Variants in VOPP1 observed in about 807,000 individuals in gnomAD.
VOPP1 encodes WW domain binding protein VOPP1.
A neutral mutation model predicts 23.5 loss-of-function variants in VOPP1; 8 were observed. That is an observed-to-expected ratio of 0.34 (90% CI 0.20 to 0.61). The LOEUF (loss-of-function observed/expected upper bound fraction) is 0.61. Ranked by LOEUF, VOPP1 falls within the 20% of genes least tolerant of loss-of-function variation. The pLI is 0.78. For synonymous variants in VOPP1, 83 were observed against 97.3 expected (o/e 0.85, Z 0.86); for missense variants, 174 against 238.1 (o/e 0.73, Z 1.77).
Position 55,497,776 on chromosome 7 carries a change from A to C in VOPP1, c.114-86T>G, listed in dbSNP as rs1291687625. 5.1e-6 allele frequency: 6 copies of C among 1,172,118 alleles called. No homozygotes were observed. In the African/African-American group the frequency reaches 9.1e-5, roughly 18 times the overall value. 72.6% of individuals were successfully genotyped at this position (1,172,118 alleles called of 1,614,324 possible). Reference sequence around the variant, plus strand: ...GCGGCCCAGGCTGGGCTTCAATGTAATCATTCTTGAAGGAAGAAATCAGTA... The same window carrying C: ...GCGGCCCAGGCTGGGCTTCAATGTACTCATTCTTGAAGGAAGAAATCAGTA... On this transcript the variant is annotated intron_variant, in intron 2 of 4. Transcript: ENST00000285279.
At chr7:55,453,169 G>A (rs1048187079) in intron 4 of VOPP1, among the ~76,000 whole-genome samples, 2 of 152,232 alleles carry the variant, frequency 1.3e-5, no homozygotes, top group African/African-American at 4.8e-5. Flanking sequence ...CTATGGAGAT[G>A]ACTTCTTTTC....
chr7:55,480,530 T>C (rs1176821816), intron 4 of VOPP1, among the ~76,000 whole-genome samples: 1 of 152,254 alleles, frequency 6.6e-6, no homozygotes, highest in Non-Finnish European at 1.5e-5. Flanking sequence ...AGATTTATAA[T>C]TATATTTTTC....
At chr7:55,526,876 A>C (rs1281005422) in intron 1 of VOPP1, 3 of 152,224 alleles carry the variant, frequency 2.0e-5, no homozygotes, top group Admixed American at 6.5e-5. Flanking sequence ...CATCTTTTTC[A>C]AAAGGGAGGG....
At chr7:55,535,535 T>C (rs1390203328) in intron 1 of VOPP1, among the ~76,000 whole-genome samples, 2 of 152,162 alleles carry the variant, frequency 1.3e-5, no homozygotes, top group Non-Finnish European at 2.9e-5. Context: ...CCCGCAGCCA[T>C]TTCCATCCAT....
chr7:55,444,410 G>T (rs1414140993), intron 4 of VOPP1, among the ~76,000 whole-genome samples: 1 of 152,236 alleles, frequency 6.6e-6, no homozygotes, highest in Non-Finnish European at 1.5e-5. Flanking sequence ...TCACATGGCT[G>T]CTTGAGTCCC....
downstream of VOPP1, among the ~76,000 whole-genome samples, chr7:55,435,418 A>AC (rs1389376677): frequency 1.3e-5 from 2 of 151,724 alleles, no homozygotes; most frequent in East Asian, 3.9e-4. Context: ...ATTTAGGAAG[A>AC]CCCCTCCTGT....
intron 1 of VOPP1, among the ~76,000 whole-genome samples, chr7:55,566,921 G>C (rs916911909): frequency 1.3e-5 from 2 of 152,140 alleles, no homozygotes; most frequent in African/African-American, 4.8e-5. Context: ...GAAGACTGAG[G>C]GCCTGTCATT....
At chr7:55,460,092 A>G (rs1378584040) in intron 4 of VOPP1, among the ~76,000 whole-genome samples, 8 of 102,308 alleles carry the variant, frequency 7.8e-5, no homozygotes, top group African/African-American at 2.3e-4. Context: ...ATTTAAAAAC[A>G]TATTTTTAAA....
intron 1 of VOPP1, among the ~76,000 whole-genome samples, chr7:55,548,631 C>T (rs1307579020): frequency 6.6e-6 from 1 of 152,230 alleles, no homozygotes; most frequent in African/African-American, 2.4e-5. Flanking sequence ...TGGGTGAACA[C>T]GCCTGCTACT....
chr7:55,511,823 A>G (rs1795090506), intron 2 of VOPP1, among the ~76,000 whole-genome samples: 1 of 152,220 alleles, frequency 6.6e-6, no homozygotes, highest in African/African-American at 2.4e-5. Context: ...AAAACCAAGC[A>G]GTGCCCCAAC....
chr7:55,465,814 T>A (rs1235062512), downstream of VOPP1, among the ~76,000 whole-genome samples: 1 of 152,232 alleles, frequency 6.6e-6, no homozygotes, highest in Non-Finnish European at 1.5e-5. Flanking sequence ...AGTCTTTCCA[T>A]GACACCAGCA....
chr7:55,485,872 A>C (rs950118288), intron 4 of VOPP1, among the ~76,000 whole-genome samples: 1 of 152,250 alleles, frequency 6.6e-6, no homozygotes, highest in African/African-American at 2.4e-5. Flanking sequence ...CATTTCAAAT[A>C]TTAATACATT....
At chr7:55,546,463 A>G (rs1797372229) in intron 1 of VOPP1, among the ~76,000 whole-genome samples, 1 of 152,260 alleles carries the variant, frequency 6.6e-6, no homozygotes, top group Non-Finnish European at 1.5e-5. Flanking sequence ...CAACAGAAAA[A>G]GGGACATTAA....
At chr7:55,549,898 GA>G (rs35281628) in intron 1 of VOPP1, among the ~76,000 whole-genome samples, 1 of 152,114 alleles carries the variant, frequency 6.6e-6, no homozygotes, top group African/African-American at 2.4e-5. Flanking sequence ...ATCTTGCTTG[GA>G]AAAAGACTTT....
At chr7:55,468,271 G>GAAAAA (rs747918983), downstream of VOPP1, among the ~76,000 whole-genome samples, 1 of 54,222 alleles carries the variant, frequency 1.8e-5, no homozygotes, top group Non-Finnish European at 4.0e-5. Context: ...CTTCGTCTCA[G>GAAAAA]AAAAAAAAAA....
intron 3 of VOPP1, among the ~76,000 whole-genome samples, 170 bp downstream of exon 3, chr7:55,497,443 G>A (rs1445838244): frequency 6.6e-6 from 1 of 151,992 alleles, no homozygotes; most frequent in Admixed American, 6.6e-5. Context: ...CCCCATGCGT[G>A]CAACTGCCGG....
chr7:55,534,641 T>G (rs1008535393), intron 1 of VOPP1, among the ~76,000 whole-genome samples: 61 of 152,214 alleles, frequency 4.0e-4, no homozygotes, highest in African/African-American at 1.5e-3. Context: ...GTAGCCCTCT[T>G]GCAGGTGTCC....
At chr7:55,524,444 C>T (rs957977813) in intron 1 of VOPP1, among the ~76,000 whole-genome samples, 4 of 152,198 alleles carry the variant, frequency 2.6e-5, no homozygotes, top group African/African-American at 9.7e-5. Context: ...ATCCTGGAAA[C>T]TGCTTCACTG....
chr7:55,557,391 T>C (rs931828643), intron 1 of VOPP1, among the ~76,000 whole-genome samples: 1 of 151,926 alleles, frequency 6.6e-6, no homozygotes, highest in Admixed American at 6.6e-5. Flanking sequence ...GGTTATCACA[T>C]TGCCACCATC....
Sources: allele counts gnomAD v4.1 joint callset (sites outside exome capture counted in the v4.1 genomes callset), GRCh38; gene constraint gnomAD v4.1.1; transcripts MANE v1.5; gene names NCBI Gene and HGNC (gene_info 2026-07-23, HGNC 2026-07-21).